The following YAP1 variants were observed in gnomAD, a reference collection of about 807,000 sequenced individuals.
YAP1 encodes transcriptional coactivator YAP1.
A neutral mutation model predicts 56.9 loss-of-function variants in YAP1; 5 were observed. The ratio of observed to expected loss-of-function variants is 0.09; its 90% CI spans 0.05 to 0.18. The LOEUF (loss-of-function observed/expected upper bound fraction) is 0.18, where lower values mean the gene tolerates loss of function less well. Ranked by LOEUF, YAP1 falls within the 10% of genes least tolerant of loss-of-function variation. The pLI, the probability that YAP1 is intolerant of heterozygous loss-of-function variation, is 1.00. For missense variants in YAP1, 539 were observed against 651.8 expected (o/e 0.83, Z 1.88); for synonymous variants, 265 against 248.1 (o/e 1.07, Z -0.64).
At chr11:102,172,304 T>A (rs1946952389) in intron 3 of YAP1, among the ~76,000 whole-genome samples, 2 of 130,348 alleles carry the variant, frequency 1.5e-5, no homozygotes, top group Admixed American at 1.5e-4. Flanking sequence ...TGAAGAATTT[T>A]TTTTTTTTTT....
chr11:102,163,530 C>T (rs1293966676), intron 3 of YAP1, among the ~76,000 whole-genome samples: 1 of 152,164 alleles, frequency 6.6e-6, no homozygotes, highest in Non-Finnish European at 1.5e-5. Context: ...ACTCCCCTGG[C>T]CCCCACGCTT....
chr11:102,227,413 C>A, intron 7 of YAP1, 56 bp from the exon 8 acceptor site: 1 of 1,243,808 alleles, frequency 8.0e-7, no homozygotes, highest in South Asian at 1.3e-5. Flanking sequence ...TTATTTTTAC[C>A]TTGAATTGAT....
chr11:102,114,748 C>A (rs753638167), intron 2 of YAP1, among the ~76,000 whole-genome samples: 1 of 152,118 alleles, frequency 6.6e-6, no homozygotes, highest in Non-Finnish European at 1.5e-5. Flanking sequence ...CTGGGAATTA[C>A]AGGGCTAGCA....
At chr11:102,147,390 C>CAT (rs1414744649) in intron 2 of YAP1, among the ~76,000 whole-genome samples, 1 of 152,116 alleles carries the variant, frequency 6.6e-6, no homozygotes, top group African/African-American at 2.4e-5. Context: ...TCTACATGTA[C>CAT]ATGCGGGAGT....
chr11:102,223,986 C>T (rs1235491720), intron 7 of YAP1, among the ~76,000 whole-genome samples: 3 of 152,118 alleles, frequency 2.0e-5, no homozygotes, highest in Admixed American at 6.6e-5. Flanking sequence ...AAAGTCATGA[C>T]GTGTTTGCTT....
At chr11:102,194,874 T>C (rs1948493046) in intron 4 of YAP1, among the ~76,000 whole-genome samples, 1 of 152,208 alleles carries the variant, frequency 6.6e-6, no homozygotes, top group Non-Finnish European at 1.5e-5. Flanking sequence ...TAATCTAACA[T>C]GAATTAATAG....
intron 2 of YAP1, among the ~76,000 whole-genome samples, chr11:102,148,270 T>G (rs1945432728): frequency 6.6e-6 from 1 of 152,216 alleles, no homozygotes; most frequent in African/African-American, 2.4e-5. Flanking sequence ...GACTTGTCTA[T>G]AAACACATGG....
At chr11:102,198,932 A>G (rs1408383718) in intron 4 of YAP1, among the ~76,000 whole-genome samples, 2 of 152,216 alleles carry the variant, frequency 1.3e-5, no homozygotes, top group Non-Finnish European at 2.9e-5. Flanking sequence ...AAAGAGAAAC[A>G]TGCATATTTT....
intron 7 of YAP1, among the ~76,000 whole-genome samples, chr11:102,224,686 T>C (rs552927645): frequency 6.6e-6 from 1 of 152,370 alleles, no homozygotes; most frequent in South Asian, 2.1e-4. Flanking sequence ...TTTTTAAGAT[T>C]AGTACTGGTG....
intron 4 of YAP1, 145 bp downstream of exon 4, chr11:102,186,276 G>A: frequency 1.1e-6 from 1 of 877,654 alleles, no homozygotes; most frequent in Non-Finnish European, 1.7e-6. Context: ...TACCAGTAGT[G>A]TTTTTATCCT....
intron 4 of YAP1, among the ~76,000 whole-genome samples, chr11:102,200,611 A>G (rs1476072155): frequency 2.0e-5 from 3 of 151,400 alleles, no homozygotes; most frequent in Non-Finnish European, 4.4e-5. Context: ...CGCCCAGCTA[A>G]TTTTTATATT....
Position 102,112,609 on chromosome 11 carries a change from A to G in YAP1, c.321+1440A>G, listed in dbSNP as rs530169427. The G allele has an allele frequency of 1.4e-5, 14 of 985,042 alleles. No homozygotes were observed. The East Asian group carries it at 3.4e-4, about 24-fold the overall frequency. 61.0% of individuals were successfully genotyped at this position (985,042 alleles called of 1,614,324 possible). On this transcript the variant is annotated intron_variant, in intron 1 of 8. Coordinates refer to ENST00000282441, the MANE Select transcript of YAP1 (RefSeq NM_001130145.3). Reference sequence around the variant, plus strand: ...CCTCTCCTATTTGCAGGCCTGTTGTATAGTCTCCTGTCGGAGACCAAAGGG... The same window carrying G: ...CCTCTCCTATTTGCAGGCCTGTTGTGTAGTCTCCTGTCGGAGACCAAAGGG...
intron 3 of YAP1, among the ~76,000 whole-genome samples, chr11:102,178,040 C>T (rs1029424946): frequency 2.0e-5 from 3 of 152,172 alleles, no homozygotes; most frequent in Non-Finnish European, 2.9e-5. Context: ...GACAAGCTAA[C>T]TTTTCTTTGC....
At chr11:102,157,370 C>T (rs1262875723) in intron 2 of YAP1, among the ~76,000 whole-genome samples, 4 of 152,072 alleles carry the variant, frequency 2.6e-5, no homozygotes, top group Admixed American at 6.6e-5. Context: ...GTCAGTTAAG[C>T]GTGTAGGTTT....
intron 7 of YAP1, among the ~76,000 whole-genome samples, chr11:102,226,512 A>G (rs1950204877): frequency 6.6e-6 from 1 of 152,238 alleles, no homozygotes; most frequent in Non-Finnish European, 1.5e-5. Context: ...CACACAGACC[A>G]TTGAAGAATA....
chr11:102,120,814 T>TA (rs1230448220), intron 2 of YAP1, among the ~76,000 whole-genome samples: 36 of 152,364 alleles, frequency 2.4e-4, no homozygotes, highest in African/African-American at 7.9e-4. Flanking sequence ...GTTAAAGTGT[T>TA]ACTGTGTGCT....
At chr11:102,140,293 TTTTCA>T (rs1368470463) in intron 2 of YAP1, among the ~76,000 whole-genome samples, 2 of 152,192 alleles carry the variant, frequency 1.3e-5, no homozygotes, top group African/African-American at 4.8e-5. Flanking sequence ...ATATCTATGA[TTTTCA>T]TTTCAAGAAA....
intron 3 of YAP1, among the ~76,000 whole-genome samples, chr11:102,183,452 C>G (rs972491546): frequency 1.3e-5 from 2 of 152,030 alleles, no homozygotes; most frequent in Admixed American, 1.3e-4. Context: ...AGAGAAACCC[C>G]TGGTGACTGA....
chr11:102,161,331 C>T (rs1173621923), intron 2 of YAP1, among the ~76,000 whole-genome samples: 1 of 140,110 alleles, frequency 7.1e-6, no homozygotes, highest in Non-Finnish European at 1.5e-5. Flanking sequence ...CAGAGTCTTT[C>T]TGTGTACTTT....
Sources: allele counts gnomAD v4.1 joint callset (sites outside exome capture counted in the v4.1 genomes callset), GRCh38; gene constraint gnomAD v4.1.1; transcripts MANE v1.5; gene names NCBI Gene and HGNC (gene_info 2026-07-23, HGNC 2026-07-21).